Variants in GUCY2D observed in about 807,000 individuals in gnomAD.
GUCY2D encodes the protein guanylate cyclase 2D, retinal.
Under a neutral mutation model 101.3 loss-of-function variants are expected in GUCY2D, and 70 were observed. The observed-to-expected ratio is 0.69, with a 90% CI of 0.57 to 0.84. The LOEUF (loss-of-function observed/expected upper bound fraction) is 0.84, where lower values mean the gene tolerates loss of function less well. GUCY2D is among the 40% of genes least tolerant of loss of function. The pLI, the probability that GUCY2D is intolerant of heterozygous loss-of-function variation, is 0.00. For missense variants in GUCY2D, 1,460 were observed against 1,542.5 expected, an observed-to-expected ratio of 0.95 and a Z score of 0.90; for synonymous variants, 688 against 670.7, an observed-to-expected ratio of 1.03 and a Z score of -0.40.
rs1266492069 is a variant in GUCY2D, at chr17:8,011,006, G to GAC, written c.1750-1134_1750-1133dup. ...GAGGGTGGGAGTCTCAGACCCGACT[G>GAC]ACACAATGACGTAACGCCAAGCAGA... is the stretch of plus-strand genomic sequence containing the variant. On this transcript the variant is annotated intron_variant, in intron 8 of 19. Transcript: ENST00000254854. The surrounding 1 kb of genome is among the most constrained non-coding windows in gnomAD (Gnocchi z 4.3). Among the ~76,000 whole-genome samples, 1 of 152,022 alleles carries GAC rather than the reference G, an allele frequency of 6.6e-6. No individual in the cohort carries two copies. Among genetic ancestry groups the GAC allele is most frequent in the East Asian group, 1.9e-4 (1 of 5,164 alleles).
chr17:8,014,093 C>T lies in GUCY2D; in HGVS notation c.2412+65C>T. On this transcript the variant is annotated intron_variant, in intron 12 of 19. Coordinates refer to ENST00000254854, the MANE Select transcript of GUCY2D (RefSeq NM_000180.4). The surrounding 1 kb of genome is among the most constrained non-coding windows in gnomAD (Gnocchi z 4.0). ...GGGATCCCAGATGCTTGTCAGCAAC[C>T]TGAGACAGCTGCAGACAGGCAGGCT... 1 of 1,430,778 alleles carries T rather than the reference C, an allele frequency of 7.0e-7. No individual in the cohort carries two copies. The highest frequency in any genetic ancestry group is 1.1e-5 in the South Asian group (1 of 87,726). 88.6% of individuals were successfully genotyped at this position (1,430,778 alleles called of 1,614,324 possible).
At position 8,012,598 on chromosome 17, in the gene GUCY2D, G is replaced by T. The variant is rs1375409540; in HGVS notation, c.2105G>T (p.Arg702Ile). The change falls in exon 10 of 20, where the codon AGA becomes ATA. Residue 702 changes from arginine to isoleucine, a missense_variant. Transcript: ENST00000254854. ...CAGAAGGTGCTACCGGAGCCTCCCA[G>T]AGCGGAGGGTAAGAGTCCCCTGTGC... ...EAQKVLPEPP[R>I]AEDQLWTAPE... is the part of the protein sequence containing the mutation. The T allele has an allele frequency of 7.4e-6, 12 of 1,613,048 alleles. No homozygotes were observed. Among genetic ancestry groups the T allele is most frequent in the South Asian group, 1.1e-5 (1 of 91,072 alleles).
At position 8,014,874 on chromosome 17, in the gene GUCY2D, C is replaced by T. The variant is rs758941038; in HGVS notation, c.2592C>T (p.Ala864=). The T allele has an allele frequency of 1.9e-6, 3 of 1,614,096 alleles. No homozygotes were observed. The highest frequency in any genetic ancestry group is 1.7e-6 in the Non-Finnish European group (2 of 1,180,010). ...CCATCCCTAGGTCTGTGGCTGAGGC[C>T]TTGAAGACGGGGACACCAGTGGAGC... ...TQMLPPSVAE[A]LKTGTPVEPE... Residue 864 remains alanine, a synonymous_variant, in exon 14 of 20, where the codon GCC becomes GCT. Transcript: ENST00000254854. This position sits in a 1 kb window ranked among gnomAD's most constrained non-coding sequence, Gnocchi z 4.0.
chr17:8,009,131 A>G (rs981504307), intron 7 of GUCY2D, among the ~76,000 whole-genome samples: 1 of 152,234 alleles, frequency 6.6e-6, no homozygotes, highest in Non-Finnish European at 1.5e-5. Flanking sequence ...TTAGTTTTCA[A>G]TAAAGCCTGA....
In GUCY2D at chr17:8,012,243, G is replaced by T. The variant is rs751995887; in HGVS notation, c.1849G>T (p.Val617Leu). The change falls in exon 9 of 20, where the codon GTG (valine) becomes TTG (leucine). Residue 617 changes from valine (V) to leucine (L), a missense_variant. Val to Leu is a conservative substitution (Grantham distance 32). This residue lies in a region of GUCY2D where 1,196 missense variants were observed against 1,229.6 expected (regional missense o/e 0.97). Transcript: ENST00000254854. ...GGCCCTCTGGGAGGGCAACCTGGCT[G>T]TGGTCTCAGAGCACTGCACGCGGGG... The part of the protein sequence containing the change: ...PAALWEGNLA[V>L]VSEHCTRGSL... The T allele has an allele frequency of 1.9e-6, 3 of 1,614,036 alleles. No individual in the cohort carries two copies. The highest frequency in any genetic ancestry group is 2.5e-6 in the Non-Finnish European group (3 of 1,179,890).
In GUCY2D at chr17:8,006,430, G is replaced by A. The variant is rs141917297; in HGVS notation, c.1094G>A (p.Arg365Gln). The A allele has an allele frequency of 1.1e-5, 17 of 1,603,528 alleles. No homozygotes were observed. The highest frequency in any genetic ancestry group is 2.7e-5 in the African/African-American group (2 of 74,930). Reference protein sequence around the residue: ...FLLARGVAEARAAAGGRWVSG... With the variant: ...FLLARGVAEAQAAAGGRWVSG... ...CTGGCAAGGGGCGTGGCAGAAGCGC[G>A]GGCTGCCGCAGGTGGCAGATGGGTG... is the stretch of plus-strand genomic sequence containing the variant. The change falls in exon 4 of 20, where the codon CGG becomes CAG. Residue 365 changes from arginine to glutamine, a missense_variant. Transcript: ENST00000254854.
At chr17:8,010,422 T>C (rs1031668226) in intron 8 of GUCY2D, among the ~76,000 whole-genome samples, 2 of 152,148 alleles carry the variant, frequency 1.3e-5, no homozygotes, top group African/African-American at 2.4e-5. Context: ...CTGATTCCTC[T>C]ACAGGAGCTC....
chr17:8,015,185 T>C (rs959647224), intron 14 of GUCY2D, 134 bp downstream of exon 14: 26 of 1,058,342 alleles, frequency 2.5e-5, no homozygotes, highest in Non-Finnish European at 3.5e-5. Flanking sequence ...CCCTTATTTA[T>C]TCCTCCAGTC....
intron 19 of GUCY2D, among the ~76,000 whole-genome samples, chr17:8,018,236 C>T (rs73978656): frequency 0.017 from 2,642 of 152,212 alleles, 72 homozygotes; most frequent in African/African-American, 0.059. Flanking sequence ...ACCAGGGATA[C>T]GACAGTGAGA....
chr17:8,014,663 G>A lies in GUCY2D; in HGVS notation c.2475G>A (p.Glu825=), dbSNP rs746244895. The change falls in exon 13 of 20, where the codon GAG becomes GAA. Residue 825 remains glutamate, a synonymous_variant. Transcript: ENST00000254854. This position sits in a 1 kb window ranked among gnomAD's most constrained non-coding sequence, Gnocchi z 4.0. ...TTGACTCGATGCTTCGGATGCTGGA[G>A]CAGTACTCTAGTAACCTGGAGGATC... ...NIIDSMLRML[E]QYSSNLEDLI... The A allele has an allele frequency of 5.0e-6, 8 of 1,614,058 alleles. No homozygotes were observed. In the East Asian group the frequency reaches 6.7e-5, roughly 13 times the overall value.
chr17:8,015,280 C>A, intron 14 of GUCY2D, 48 bp from the exon 15 acceptor site: 1 of 1,553,154 alleles, frequency 6.4e-7, no homozygotes, highest in Non-Finnish European at 8.8e-7. Context: ...TTCGTGTACT[C>A]GGGGGGAATG....
Position 8,014,183 on chromosome 17 carries a change from C to T in GUCY2D, c.2412+155C>T. The T allele has an allele frequency of 1.4e-6, 1 of 729,950 alleles. No individual in the cohort carries two copies. The highest frequency in any genetic ancestry group is 2.4e-6 in the Non-Finnish European group (1 of 414,102). 45.2% of individuals were successfully genotyped at this position (729,950 alleles called of 1,614,324 possible). ...AGCCTGAAGACTCGGAGTTTGGGGG[C>T]AGAATTGGAATGGGGGCTGTGGAGG... On this transcript the variant is annotated intron_variant, in intron 12 of 19. Transcript: ENST00000254854. This position sits in a 1 kb window ranked among gnomAD's most constrained non-coding sequence, Gnocchi z 4.0.
rs1453047585 is a variant in GUCY2D, at chr17:8,007,155, G to T, written c.1463+11G>T. 1 of 1,585,590 alleles carries T rather than the reference G, an allele frequency of 6.3e-7. No individual in the cohort carries two copies. The highest frequency in any genetic ancestry group is 1.1e-5 in the South Asian group (1 of 90,482). ...GGCCCATTATGTGAGGTGAGTAGTG[G>T]AATGAGGTAAGTAGGAAGTGAGCTT... On this transcript the variant is annotated intron_variant, in intron 5 of 19. Transcript: ENST00000254854.
chr17:8,006,249 C>G (rs747733556), intron 3 of GUCY2D, 114 bp from the exon 4 acceptor site: 76 of 792,824 alleles, frequency 9.6e-5, no homozygotes, highest in Non-Finnish European at 1.4e-4. Context: ...ATCCTGGGAA[C>G]AACTAACTGG....
In GUCY2D at chr17:8,006,453, G is replaced by C; in HGVS notation, c.1117G>C (p.Val373Leu). The C allele has an allele frequency of 6.2e-7, 1 of 1,605,326 alleles. No individual in the cohort carries two copies. Among genetic ancestry groups the C allele is most frequent in the Non-Finnish European group, 8.5e-7 (1 of 1,179,970 alleles). ...GCGGGCTGCCGCAGGTGGCAGATGG[G>C]TGTCCGGAGCAGCTGTGGCCCGCCA... is the stretch of plus-strand genomic sequence containing the variant. ...EARAAAGGRW[V>L]SGAAVARHIR... The change falls in exon 4 of 20, where the codon GTG becomes CTG. Residue 373 changes from valine to leucine, a missense_variant. Val to Leu is a conservative substitution (Grantham distance 32, BLOSUM62 1). Around this residue, in one of 3 missense-constraint regions of GUCY2D, gnomAD observed 1,196 missense variants for 1,229.6 expected, o/e 0.97. Coordinates refer to ENST00000254854, the MANE Select transcript of GUCY2D (RefSeq NM_000180.4).
chr17:8,017,724 G>T (rs1032376513), intron 19 of GUCY2D, among the ~76,000 whole-genome samples: 1 of 152,104 alleles, frequency 6.6e-6, no homozygotes, highest in East Asian at 1.9e-4. Flanking sequence ...GTCTCACTTT[G>T]TCACCCAGGC....
Position 8,013,820 on chromosome 17 carries a change from G to C in GUCY2D, c.2264-60G>C. The C allele has an allele frequency of 2.0e-6, 3 of 1,499,784 alleles. No individual in the cohort carries two copies. The highest frequency in any genetic ancestry group is 2.8e-6 in the Non-Finnish European group (3 of 1,077,810). 92.9% of individuals were successfully genotyped at this position (1,499,784 alleles called of 1,614,324 possible). A position where few individuals can be genotyped will look rare whatever the true frequency, so the allele number is the denominator to read the frequency against. ...CTTGGTCTTCAACAGTCAGGCCAGG[G>C]TCAGAGGCAGCCTTTGTGTTCTGGG... On this transcript the variant is annotated intron_variant, in intron 11 of 19. Transcript: ENST00000254854. The surrounding 1 kb of genome is among the most constrained non-coding windows in gnomAD (Gnocchi z 5.0).
In GUCY2D at chr17:8,003,530, G is replaced by C; in HGVS notation, c.483G>C (p.Thr161=). The change falls in exon 2 of 20, where the codon ACG becomes ACC. Residue 161 remains threonine (T), a synonymous_variant. Transcript: ENST00000254854. ...CCTGGACGCAGGCGGAGGGCACCAC[G>C]GCCCCTGCCGTGACCCCCGCCGCGG... ...GCPWTQAEGT[T]APAVTPAADA... The C allele has an allele frequency of 6.5e-7, 1 of 1,542,616 alleles. No homozygotes were observed. Among genetic ancestry groups the C allele is most frequent in the Non-Finnish European group, 8.7e-7 (1 of 1,151,566 alleles).
chr17:8,016,139 A>T (rs1363724917), intron 17 of GUCY2D, 66 bp from the exon 18 acceptor site: 1 of 1,335,582 alleles, frequency 7.5e-7, no homozygotes, highest in Non-Finnish European at 1.1e-6. Flanking sequence ...AGTTCCACGC[A>T]GACTCGAGAT....
Sources: allele counts gnomAD v4.1 joint callset (sites outside exome capture counted in the v4.1 genomes callset), GRCh38; gene constraint gnomAD v4.1.1; regional missense constraint gnomAD v4.1.1; non-coding constraint Gnocchi (gnomAD v3.1); transcripts MANE v1.5; gene names NCBI Gene and HGNC (gene_info 2026-07-23, HGNC 2026-07-21).